Variants in OR2T11 observed in about 807,000 individuals in gnomAD.
OR2T11 encodes the protein olfactory receptor 2T11.
In OR2T11, 14 loss-of-function variants were observed where a neutral mutation model predicts 13.5. That is an observed-to-expected ratio of 1.04 (90% CI 0.69 to 1.62). OR2T11 has a LOEUF of 1.62. Among genes scored for constraint, OR2T11 ranks in the 40% most tolerant of loss-of-function variants. The probability of loss-of-function intolerance (pLI) is 0.00; values close to 1 mark genes in which losing one functional copy is unlikely to be tolerated. For missense variants in OR2T11, 410 were observed against 389.7 expected (o/e 1.05, Z -0.44); for synonymous variants, 163 against 154.6 (o/e 1.05, Z -0.40).
Position 248,623,840 on chromosome 1 carries a change from A to G in OR2T11, c.*2338T>C, listed in dbSNP as rs769796195. 3.5e-5 allele frequency: 5 copies of G among 142,740 alleles called. No individual in the cohort carries two copies. Among genetic ancestry groups the G allele is most frequent in the African/African-American group, 5.5e-5 (2 of 36,132 alleles). The allele number at this position is 142,740 out of a possible 1,614,324, so 8.8% of individuals were successfully genotyped here. ...GTGCTGTGCTAAATTCATAAATTCA[A>G]TGCAAAGGAGGGGGAGTCCGAAGGT... On this transcript the variant is annotated 3_prime_UTR_variant, in exon 2 of 2. Coordinates refer to ENST00000641193, the MANE Select transcript of OR2T11 (RefSeq NM_001001964.2).
At chr1:248,634,666 TAG>T (rs1236105857) in intron 1 of OR2T11, among the ~76,000 whole-genome samples, 3 of 138,904 alleles carry the variant, frequency 2.2e-5, no homozygotes, top group Non-Finnish European at 4.6e-5. Flanking sequence ...AACTTCTTTG[TAG>T]AGTCAGGACC....
chr1:248,627,412 TTGCTGTATG>T, intron 1 of OR2T11, 140 bp from the exon 2 acceptor site: 1 of 423,494 alleles, frequency 2.4e-6, no homozygotes, highest in Non-Finnish European at 4.2e-6. Flanking sequence ...CGTGATACAA[TTGCTGTATG>T]CTACACCAAG....
rs1367800265 is a variant in OR2T11, at chr1:248,625,237, T to C, written c.*941A>G. The C allele has an allele frequency of 7.0e-6, 1 of 143,676 alleles. No individual in the cohort carries two copies. Among genetic ancestry groups the C allele is most frequent in the Non-Finnish European group, 1.5e-5 (1 of 66,364 alleles). The allele number at this position is 143,676 out of a possible 1,614,324, so 8.9% of individuals were successfully genotyped here. ...CCACACCCTACACAAGCCATCCTTGTTTCTCATCTCTGAAACCTCAATTGT... is the reference window on the plus strand; with the variant it reads ...CCACACCCTACACAAGCCATCCTTGCTTCTCATCTCTGAAACCTCAATTGT... On this transcript the variant is annotated 3_prime_UTR_variant, in exon 2 of 2. Coordinates refer to ENST00000641193, the MANE Select transcript of OR2T11 (RefSeq NM_001001964.2).
chr1:248,629,353 A>C (rs998761492), intron 1 of OR2T11, among the ~76,000 whole-genome samples: 1 of 142,904 alleles, frequency 7.0e-6, no homozygotes, highest in Non-Finnish European at 1.5e-5. Context: ...TGATTGTGCC[A>C]CTGCACTCCA....
Position 248,626,164 on chromosome 1 carries a change from T to TG in OR2T11, c.*13dup. On this transcript the variant is annotated 3_prime_UTR_variant, in exon 2 of 2. Transcript: ENST00000641193. ...GAAGTCCTTAGGAAGCCTTATCCTC[T>TG]GGGCAGTGACTCTCTAAGCATCACT... 1 of 1,369,794 alleles carries TG rather than the reference T, an allele frequency of 7.3e-7. No homozygotes were observed. 84.9% of individuals were successfully genotyped at this position (1,369,794 alleles called of 1,614,324 possible).
At position 248,623,753 on chromosome 1, in the gene OR2T11, ATT is replaced by A. The variant is rs1252410778; in HGVS notation, c.*2423_*2424del. 32 of 142,984 alleles carry A rather than the reference ATT, an allele frequency of 2.2e-4. 5 individuals are homozygous for A. The highest frequency in any genetic ancestry group is 1.2e-4 in the Non-Finnish European group (8 of 66,178). 8.9% of individuals were successfully genotyped at this position (142,984 alleles called of 1,614,324 possible). A position where few individuals can be genotyped will look rare whatever the true frequency, so the allele number is the denominator to read the frequency against. On this transcript the variant is annotated 3_prime_UTR_variant, in exon 2 of 2. Transcript: ENST00000641193. The stretch of plus-strand genomic sequence containing the variant: ...TTTTTAACATAATTCTAGTTAACAT[ATT>A]GAGTGCCTACTATTTTCTGGCCACC...
In OR2T11 at chr1:248,626,962, A is replaced by C. The variant is rs781376072; in HGVS notation, c.167T>G (p.Met56Arg). 3 of 1,572,458 alleles carry C rather than the reference A, an allele frequency of 1.9e-6. No individual in the cohort carries two copies. In the Admixed American group the frequency reaches 5.1e-5, roughly 27 times the overall value. Residue 56 changes from methionine (M) to arginine (R), a missense_variant, in exon 2 of 2, where the codon ATG becomes AGG. Physicochemically the swap from Met to Arg is moderately conservative, Grantham distance 91. Coordinates refer to ENST00000641193, the MANE Select transcript of OR2T11 (RefSeq NM_001001964.2). ...GGACAGCTGACTGAGCAGAAAGTAC[A>C]TGGGGGTGTGGAGGCGAGAGTCCAC... ...IQVDSRLHTP[M>R]YFLLSQLSIM...
rs1163641489 is a variant in OR2T11 at position 248,624,638 on chromosome 1, C to T, written c.*1540G>A. ...CTCTCAAAAAACCTGTTTTTAAATG[C>T]TCTTCGTACTCTGATTATTAAATGT... On this transcript the variant is annotated 3_prime_UTR_variant, in exon 2 of 2. Coordinates refer to ENST00000641193, the MANE Select transcript of OR2T11 (RefSeq NM_001001964.2). 2.8e-5 allele frequency: 4 copies of T among 144,162 alleles called. 1 individual carries two copies. The highest frequency in any genetic ancestry group is 5.4e-5 in the African/African-American group (2 of 36,750). The allele number at this position is 144,162 out of a possible 1,614,324, so 8.9% of individuals were successfully genotyped here. A position where few individuals can be genotyped will look rare whatever the true frequency, so the allele number is the denominator to read the frequency against.
intron 1 of OR2T11, among the ~76,000 whole-genome samples, chr1:248,633,169 AAG>A (rs1356185465): frequency 8.5e-6 from 1 of 118,286 alleles, no homozygotes; most frequent in Non-Finnish European, 1.7e-5. Flanking sequence ...TATTTGCAAT[AAG>A]AAAGTGGAAG....
Position 248,626,427 on chromosome 1 carries a change from G to T in OR2T11, c.702C>A (p.Ala234=). ...TCAAGTGGGAGGAACAAGTGGTGAAGGCCTTTTTGCGACCTTCAGCAGAGG... is the reference window on the plus strand; with the variant it reads ...TCAAGTGGGAGGAACAAGTGGTGAATGCCTTTTTGCGACCTTCAGCAGAGG... ...RMPSAEGRKK[A]FTTCSSHLTV... Residue 234 remains alanine, a synonymous_variant, in exon 2 of 2, where the codon GCC becomes GCA. Transcript: ENST00000641193. 1 of 1,572,090 alleles carries T rather than the reference G, an allele frequency of 6.4e-7. No individual in the cohort carries two copies. The highest frequency in any genetic ancestry group is 8.7e-7 in the Non-Finnish European group (1 of 1,155,912).
At position 248,627,675 on chromosome 1, in the gene OR2T11, A is replaced by G. The variant is rs1256645691; in HGVS notation, c.-144-403T>C. On this transcript the variant is annotated intron_variant, in intron 1 of 1. Transcript: ENST00000641193. Reference sequence around the variant, plus strand: ...TCTTTTTAATTATTTGTATAAGTTTAAGGACGACAAGTGCAGTGTCATGAC... The same window carrying G: ...TCTTTTTAATTATTTGTATAAGTTTGAGGACGACAAGTGCAGTGTCATGAC... 2.1e-5 allele frequency among the ~76,000 whole-genome samples: 3 copies of G among 143,466 alleles called. 1 individual carries two copies. The highest frequency in any genetic ancestry group is 8.2e-5 in the African/African-American group (3 of 36,430). The allele number at this position is 143,466 out of a possible 152,430, so 94.1% of individuals were successfully genotyped here. A position where few individuals can be genotyped will look rare whatever the true frequency, so the allele number is the denominator to read the frequency against.
In OR2T11 at chr1:248,623,666, T is replaced by G. The variant is rs1305229241; in HGVS notation, c.*2512A>C. 7.0e-6 allele frequency: 1 copy of G among 143,184 alleles called. No individual in the cohort carries two copies. The highest frequency in any genetic ancestry group is 2.8e-5 in the African/African-American group (1 of 36,308). The allele number at this position is 143,184 out of a possible 1,614,324, so 8.9% of individuals were successfully genotyped here. On this transcript the variant is annotated 3_prime_UTR_variant, in exon 2 of 2. Coordinates refer to ENST00000641193, the MANE Select transcript of OR2T11 (RefSeq NM_001001964.2). ...TTGGAAAAGCATAAATATGACACAC[T>G]TTATTCACAAAGGAATAAGTTTGTA...
chr1:248,630,557 A>G (rs1317208753), intron 1 of OR2T11, among the ~76,000 whole-genome samples: 4 of 144,034 alleles, frequency 2.8e-5, no homozygotes, highest in African/African-American at 1.1e-4. Flanking sequence ...ACACCCAGAG[A>G]TTGTACTGCA....
intron 1 of OR2T11, among the ~76,000 whole-genome samples, chr1:248,628,875 G>A (rs1299135407): frequency 7.0e-6 from 1 of 143,170 alleles, no homozygotes; most frequent in African/African-American, 2.8e-5. Flanking sequence ...CTACTTCAGT[G>A]AGTCTTAGCC....
Position 248,627,078 on chromosome 1 carries a change from G to C in OR2T11, c.51C>G (p.Asn17Lys), listed in dbSNP as rs1333442597. 2.5e-6 allele frequency: 4 copies of C among 1,569,948 alleles called. 1 individual carries two copies. In the African/African-American group the frequency reaches 4.5e-5, roughly 18 times the overall value. ...TAAATACAATCCCGGCAGCCTCACT[G>C]TTCACCAGAAGCCCCAGGAGGGTGA... ...SDFTLLGLLV[N>K]SEAAGIVFTV... Residue 17 changes from asparagine (N) to lysine (K), a missense_variant, in exon 2 of 2, where the codon AAC becomes AAG. Coordinates refer to ENST00000641193, the MANE Select transcript of OR2T11 (RefSeq NM_001001964.2).
chr1:248,626,649 G>A lies in OR2T11; in HGVS notation c.480C>T (p.Thr160=), dbSNP rs750066387. 4.5e-6 allele frequency: 7 copies of A among 1,572,408 alleles called. 2 individuals are homozygous for A. The highest frequency in any genetic ancestry group is 6.1e-6 in the Non-Finnish European group (7 of 1,155,916). Reference sequence around the variant, plus strand: ...GGGAGCCACAGTAAGGGACATTCATGGTGATGGGAGTGAGCAGAAAGCCAT... The same window carrying A: ...GGGAGCCACAGTAAGGGACATTCATAGTGATGGGAGTGAGCAGAAAGCCAT... The part of the protein sequence containing the change: ...SLDGFLLTPI[T]MNVPYCGSRS... The change falls in exon 2 of 2, where the codon ACC becomes ACT. Residue 160 remains threonine (T), a synonymous_variant. Transcript: ENST00000641193.
rs192361375 is a variant in OR2T11, at chr1:248,630,708, C to T, written c.-144-3436G>A. Among the ~76,000 whole-genome samples, 110 of 143,982 alleles carry T rather than the reference C, an allele frequency of 7.6e-4. 15 individuals are homozygous for T. The highest frequency in any genetic ancestry group is 1.2e-3 in the Non-Finnish European group (82 of 66,422). 94.5% of individuals were successfully genotyped at this position (143,982 alleles called of 152,430 possible). On this transcript the variant is annotated intron_variant, in intron 1 of 1. Coordinates refer to ENST00000641193, the MANE Select transcript of OR2T11 (RefSeq NM_001001964.2). ...TTATTAATTTGCTACTTAAATTGAACGACACTGTAATAGACTTAGTGTTAA... is the reference window on the plus strand; with the variant it reads ...TTATTAATTTGCTACTTAAATTGAATGACACTGTAATAGACTTAGTGTTAA...
chr1:248,628,535 C>CA (rs1318156889), intron 1 of OR2T11, among the ~76,000 whole-genome samples: 1 of 140,536 alleles, frequency 7.1e-6, no homozygotes, highest in African/African-American at 2.8e-5. Flanking sequence ...TTCAGATAAT[C>CA]AAAAAATGTT....
Position 248,630,959 on chromosome 1 carries a change from T to A in OR2T11, c.-144-3687A>T, listed in dbSNP as rs1292394918. Among the ~76,000 whole-genome samples the A allele has an allele frequency of 1.4e-5, 2 of 143,004 alleles. 1 individual carries two copies. The highest frequency in any genetic ancestry group is 5.5e-5 in the African/African-American group (2 of 36,134). The allele number at this position is 143,004 out of a possible 152,430, so 93.8% of individuals were successfully genotyped here. A position where few individuals can be genotyped will look rare whatever the true frequency, so the allele number is the denominator to read the frequency against. ...AGGAAGGAGAGTCAGAGACGTGATA[T>A]GAAAACAGGTCGGAGGGACTCAGTC... On this transcript the variant is annotated intron_variant, in intron 1 of 1. Coordinates refer to ENST00000641193, the MANE Select transcript of OR2T11 (RefSeq NM_001001964.2).
Sources: allele counts gnomAD v4.1 joint callset (sites outside exome capture counted in the v4.1 genomes callset), GRCh38; gene constraint gnomAD v4.1.1; transcripts MANE v1.5; gene names NCBI Gene and HGNC (gene_info 2026-07-23, HGNC 2026-07-21).